Variants in RNF157 observed in about 807,000 individuals in gnomAD.
RNF157 encodes the protein E3 ubiquitin ligase RNF157.
RNF157 carries 55 observed loss-of-function variants against 88.3 expected under a neutral mutation model. The observed-to-expected ratio is 0.62, with a 90% confidence interval of 0.50 to 0.78. The LOEUF is 0.78. RNF157 is among the 30% of genes least tolerant of loss of function. The pLI is 0.00. For synonymous variants in RNF157, 334 were observed against 341.2 expected (o/e 0.98, Z 0.23); for missense variants, 788 against 860.8 (o/e 0.92, Z 1.06).
rs1057266885 is a variant in RNF157, at chr17:76,160,154, C to T, written c.1066-581G>A. Among the ~76,000 whole-genome samples, 8 of 152,162 alleles carry T rather than the reference C, an allele frequency of 5.3e-5. No individual in the cohort carries two copies. Among genetic ancestry groups the T allele is most frequent in the African/African-American group, 1.9e-4 (8 of 41,450 alleles). On this transcript the variant is annotated intron_variant, in intron 11 of 18. Transcript: ENST00000269391. The surrounding 1 kb of genome is among the most constrained non-coding windows in gnomAD (Gnocchi z 4.3). ...ATATTTTCCTTTGTTTCTGAAGCCTCTTTATATATGTCCCCTTCTCATAGA... is the reference window on the plus strand; with the variant it reads ...ATATTTTCCTTTGTTTCTGAAGCCTTTTTATATATGTCCCCTTCTCATAGA...
intron 1 of RNF157, among the ~76,000 whole-genome samples, chr17:76,224,891 G>A (rs1007079177): frequency 2.6e-4 from 39 of 152,302 alleles, no homozygotes; most frequent in African/African-American, 9.1e-4. Context: ...AAAAATTAGG[G>A]CTGGGAGCAG....
chr17:76,173,189 G>A (rs550231628), intron 3 of RNF157, among the ~76,000 whole-genome samples: 60 of 152,222 alleles, frequency 3.9e-4, no homozygotes, highest in African/African-American at 1.4e-3. Context: ...GGGAGGCTGA[G>A]GCAGGAGAAT....
chr17:76,145,512 G>A (rs549924917), intron 18 of RNF157, 159 bp from the exon 19 acceptor site: 11 of 590,844 alleles, frequency 1.9e-5, no homozygotes, highest in South Asian at 8.7e-5. Context: ...GTGTGAGAAC[G>A]GAGAGAAGCA....
At chr17:76,225,381 A>G (rs749334804) in intron 1 of RNF157, among the ~76,000 whole-genome samples, 1 of 152,192 alleles carries the variant, frequency 6.6e-6, no homozygotes, top group East Asian at 1.9e-4. Context: ...ATTAGTATAT[A>G]TAAGTTAATA....
intron 1 of RNF157, among the ~76,000 whole-genome samples, chr17:76,219,769 G>A (rs2069949554): frequency 6.6e-6 from 1 of 152,084 alleles, no homozygotes; most frequent in Non-Finnish European, 1.5e-5. Context: ...TAATTTAACT[G>A]TACATCTCAA....
intron 1 of RNF157, among the ~76,000 whole-genome samples, chr17:76,217,996 T>A (rs536004623): frequency 2.0e-5 from 3 of 152,332 alleles, no homozygotes; most frequent in Admixed American, 2.0e-4. Flanking sequence ...TCTAGACATC[T>A]GTTGCAAAAC....
At chr17:76,210,557 T>C (rs9901431) in intron 2 of RNF157, among the ~76,000 whole-genome samples, 62,825 of 125,702 alleles carry the variant, frequency 0.5, 15,126 homozygotes, top group Middle Eastern at 0.57. Context: ...GCCACTGTAC[T>C]CCAGCCTGGG....
At chr17:76,167,890 T>C (rs2068953969) in intron 3 of RNF157, 93 bp from the exon 4 acceptor site, 1 of 1,216,184 alleles carries the variant, frequency 8.2e-7, no homozygotes. Context: ...TGGGCTTCTC[T>C]GAATGATCAT....
rs558290546 is a variant in RNF157, at chr17:76,229,763, C to T, written c.88+10390G>A. Among the ~76,000 whole-genome samples the T allele has an allele frequency of 1.2e-4, 19 of 152,190 alleles. No individual in the cohort carries two copies. The East Asian group carries it at 2.7e-3, about 22-fold the overall frequency. ...AATGGAGAGTGGCACACTAAGGGTACGTATGGGTGCTTCTGTTGCTCCTTG... is the reference window on the plus strand; with the variant it reads ...AATGGAGAGTGGCACACTAAGGGTATGTATGGGTGCTTCTGTTGCTCCTTG... On this transcript the variant is annotated intron_variant, in intron 1 of 18. Transcript: ENST00000269391.
intron 1 of RNF157, among the ~76,000 whole-genome samples, chr17:76,239,718 G>C (rs564414732): frequency 2.3e-3 from 352 of 152,270 alleles, no homozygotes; most frequent in Non-Finnish European, 4.4e-3. Context: ...TGCCTGTTTG[G>C]ATGCCGAGGT....
Position 76,146,856 on chromosome 17 carries a change from G to C in RNF157, c.1922-1503C>G. 2 of 985,456 alleles carry C rather than the reference G, an allele frequency of 2.0e-6. No individual in the cohort carries two copies. Among genetic ancestry groups the C allele is most frequent in the Non-Finnish European group, 1.2e-6 (1 of 829,942 alleles). The allele number at this position is 985,456 out of a possible 1,614,324, so 61.0% of individuals were successfully genotyped here. On this transcript the variant is annotated intron_variant, in intron 18 of 18. Transcript: ENST00000269391. This position sits in a 1 kb window ranked among gnomAD's most constrained non-coding sequence, Gnocchi z 4.2. Reference sequence around the variant, plus strand: ...AGAGTGTGGCCGTGAGGTTGAGAGAGGCCACTCACAAGTGTCCAGGGTCAG... The same window carrying C: ...AGAGTGTGGCCGTGAGGTTGAGAGACGCCACTCACAAGTGTCCAGGGTCAG...
chr17:76,195,688 T>A lies in RNF157; in HGVS notation c.207+16676A>T, dbSNP rs1335414057. ...CACACAATGAAATACTATGCAGCAATGGAAATGAACCGTACACAGCACAGG... is the reference window on the plus strand; with the variant it reads ...CACACAATGAAATACTATGCAGCAAAGGAAATGAACCGTACACAGCACAGG... On this transcript the variant is annotated intron_variant, in intron 2 of 18. Transcript: ENST00000269391. This position sits in a 1 kb window ranked among gnomAD's most constrained non-coding sequence, Gnocchi z 4.4. Among the ~76,000 whole-genome samples the A allele has an allele frequency of 1.3e-5, 2 of 152,276 alleles. No homozygotes were observed. The highest frequency in any genetic ancestry group is 2.9e-5 in the Non-Finnish European group (2 of 68,032).
At chr17:76,183,380 C>A (rs189541527) in intron 2 of RNF157, among the ~76,000 whole-genome samples, 9 of 152,162 alleles carry the variant, frequency 5.9e-5, no homozygotes, top group Middle Eastern at 3.4e-3. Context: ...AGAGACCCCA[C>A]TGAAAGAAAA....
chr17:76,182,600 ATCTTAC>A (rs2069207926), intron 2 of RNF157, among the ~76,000 whole-genome samples: 9 of 151,552 alleles, frequency 5.9e-5, no homozygotes, highest in African/African-American at 2.2e-4. Flanking sequence ...GTGAAAGGAC[ATCTTAC>A]TCTGTGTGTA....
chr17:76,156,176 A>G, intron 14 of RNF157, 34 bp downstream of exon 14: 1 of 1,522,446 alleles, frequency 6.6e-7, no homozygotes, highest in Non-Finnish European at 9.1e-7. Flanking sequence ...GGTAAGGGGG[A>G]AGGACATGCA....
intron 1 of RNF157, chr17:76,226,727 G>C: frequency 6.2e-7 from 1 of 1,610,904 alleles, no homozygotes; most frequent in Non-Finnish European, 8.5e-7. Flanking sequence ...GCTTTCTTCA[G>C]CCCCCAAACC....
At chr17:76,185,734 G>C (rs1040102076) in intron 2 of RNF157, among the ~76,000 whole-genome samples, 7 of 152,134 alleles carry the variant, frequency 4.6e-5, no homozygotes, top group African/African-American at 1.7e-4. Flanking sequence ...CTCCCAAAGT[G>C]CTGGGATTAC....
intron 1 of RNF157, among the ~76,000 whole-genome samples, chr17:76,225,008 C>T (rs1394729509): frequency 6.6e-6 from 1 of 151,526 alleles, no homozygotes; most frequent in Non-Finnish European, 1.5e-5. Flanking sequence ...CCTGTCTCTA[C>T]CAAAAACACA....
In RNF157 at chr17:76,159,403, C is replaced by T. The variant is rs149550205; in HGVS notation, c.1236G>A (p.Thr412=). The T allele has an allele frequency of 6.3e-5, 101 of 1,613,236 alleles. No individual in the cohort carries two copies. Among genetic ancestry groups the T allele is most frequent in the African/African-American group, 3.6e-4 (27 of 75,012 alleles). The change falls in exon 12 of 19, where the codon ACG becomes ACA. Residue 412 remains threonine, a synonymous_variant. Coordinates refer to ENST00000269391, the MANE Select transcript of RNF157 (RefSeq NM_052916.3). ...GSDGHLPPVR[T]ISPLDRLSDS... is the part of the protein sequence containing the mutation. Reference sequence around the variant, plus strand: ...CAGACAGGCGGTCAAGAGGCGAGATCGTCCTGACGGGGGGCAGGTGGCCAT... The same window carrying T: ...CAGACAGGCGGTCAAGAGGCGAGATTGTCCTGACGGGGGGCAGGTGGCCAT...
Sources: allele counts gnomAD v4.1 joint callset (sites outside exome capture counted in the v4.1 genomes callset), GRCh38; gene constraint gnomAD v4.1.1; non-coding constraint Gnocchi (gnomAD v3.1); transcripts MANE v1.5; gene names NCBI Gene and HGNC (gene_info 2026-07-23, HGNC 2026-07-21).